Variants in KIF16B observed in about 807,000 individuals in gnomAD.
KIF16B encodes the protein kinesin family member 16B.
A neutral mutation model predicts 156.3 loss-of-function variants in KIF16B; 98 were observed. The observed-to-expected ratio is 0.63, with a 90% confidence interval of 0.53 to 0.74. The LOEUF is 0.74. KIF16B is among the 30% of genes least tolerant of loss of function. The pLI is 0.00. For missense variants in KIF16B, 1,421 were observed against 1,606.5 expected (o/e 0.88, Z 1.97); for synonymous variants, 564 against 583.7 (o/e 0.97, Z 0.49).
chr20:16,490,653 G>A (rs2068262018), intron 12 of KIF16B, among the ~76,000 whole-genome samples: 1 of 151,980 alleles, frequency 6.6e-6, no homozygotes, highest in African/African-American at 2.4e-5. Flanking sequence ...AGACAAGAGA[G>A]GACCATCTGC....
chr20:16,494,306 G>T lies in KIF16B; in HGVS notation c.1287C>A (p.Thr429=). Residue 429 remains threonine, a synonymous_variant, in exon 12 of 26, where the codon ACC becomes ACA. Transcript: ENST00000354981. ...TKEWTNKWNE[T]QNILKEQTLA... ...TAGTCCTTACTTTCAAAATATTTTG[G>T]GTTTCATTCCACTTATTTGTCCATT... 6.2e-7 allele frequency: 1 copy of T among 1,600,058 alleles called. No individual in the cohort carries two copies. The highest frequency in any genetic ancestry group is 8.5e-7 in the Non-Finnish European group (1 of 1,170,686).
At chr20:16,493,471 C>T (rs2068359185) in intron 12 of KIF16B, among the ~76,000 whole-genome samples, 1 of 152,196 alleles carries the variant, frequency 6.6e-6, no homozygotes, top group African/African-American at 2.4e-5. Flanking sequence ...TGCCAAGACT[C>T]ATCTATCTGG....
intron 1 of KIF16B, among the ~76,000 whole-genome samples, chr20:16,534,206 G>A (rs2069866066): frequency 6.6e-6 from 1 of 151,924 alleles, no homozygotes; most frequent in Non-Finnish European, 1.5e-5. Context: ...AGTGAGCTGA[G>A]ATCGCGCCAC....
chr20:16,343,623 C>A (rs996772840), intron 23 of KIF16B, among the ~76,000 whole-genome samples: 2 of 152,276 alleles, frequency 1.3e-5, no homozygotes, highest in African/African-American at 4.8e-5. Context: ...AAAGCTTAGG[C>A]AGTGACATAA....
chr20:16,441,447 C>T (rs762402321), intron 12 of KIF16B, among the ~76,000 whole-genome samples: 1 of 152,150 alleles, frequency 6.6e-6, no homozygotes, highest in Non-Finnish European at 1.5e-5. Context: ...AGTTATCAGG[C>T]CTAATCGCAT....
At chr20:16,527,991 C>T (rs1806482934) in intron 2 of KIF16B, among the ~76,000 whole-genome samples, 1 of 151,756 alleles carries the variant, frequency 6.6e-6, no homozygotes, top group Non-Finnish European at 1.5e-5. Context: ...AAACATGATC[C>T]TCTTCATTAA....
chr20:16,311,117 C>T (rs1322543644), intron 25 of KIF16B, among the ~76,000 whole-genome samples: 1 of 152,238 alleles, frequency 6.6e-6, no homozygotes, highest in African/African-American at 2.4e-5. Context: ...CAGCACTTCA[C>T]AATCCAGAAA....
chr20:16,451,713 A>G (rs1600432674), intron 12 of KIF16B, among the ~76,000 whole-genome samples: 1 of 152,218 alleles, frequency 6.6e-6, no homozygotes, highest in East Asian at 1.9e-4. Flanking sequence ...GTGCTGTCGA[A>G]GATTATATAT....
At chr20:16,279,145 T>A (rs894438275) in intron 25 of KIF16B, among the ~76,000 whole-genome samples, 2 of 152,050 alleles carry the variant, frequency 1.3e-5, no homozygotes, top group African/African-American at 2.4e-5. Flanking sequence ...AGCAGCCCAA[T>A]CCCCTTCTGA....
Position 16,379,889 on chromosome 20 carries a change from C to T in KIF16B, c.2113G>A (p.Val705Ile), listed in dbSNP as rs368648376. 5.0e-5 allele frequency: 80 copies of T among 1,614,188 alleles called. No homozygotes were observed. The highest frequency in any genetic ancestry group is 3.5e-4 in the African/African-American group (26 of 75,052). ...TTGAGTCGTTGGAGTTCTTCTTGGACGCGGAGAAAGGTCTCTTCTTCTTGT... is the reference window on the plus strand; with the variant it reads ...TTGAGTCGTTGGAGTTCTTCTTGGATGCGGAGAAAGGTCTCTTCTTCTTGT... ...KRQEEETFLR[V>I]QEELQRLKEL... The change falls in exon 19 of 26, where the codon GTC becomes ATC. Residue 705 changes from valine to isoleucine, a missense_variant. Physicochemically the swap from Val to Ile is conservative, Grantham distance 29. Coordinates refer to ENST00000354981, the MANE Select transcript of KIF16B (RefSeq NM_024704.5).
chr20:16,384,761 G>A (rs1271420426), intron 17 of KIF16B, among the ~76,000 whole-genome samples: 1 of 152,114 alleles, frequency 6.6e-6, no homozygotes, highest in Non-Finnish European at 1.5e-5. Flanking sequence ...TCTGGGCTCA[G>A]AACCCCATGC....
chr20:16,431,922 A>ACACACACACACACACG (rs2066513182), intron 12 of KIF16B, among the ~76,000 whole-genome samples: 1 of 151,082 alleles, frequency 6.6e-6, no homozygotes, highest in Admixed American at 6.6e-5. Flanking sequence ...ATACACACAC[A>ACACACACACACACACG]CACACACACA....
At chr20:16,369,234 G>A in intron 22 of KIF16B, 1 of 985,806 alleles carries the variant, frequency 1.0e-6, no homozygotes, top group Non-Finnish European at 1.2e-6. Context: ...GCAGAAGCGG[G>A]TCAAGATACC....
intron 17 of KIF16B, among the ~76,000 whole-genome samples, chr20:16,401,070 G>A (rs1055890960): frequency 2.2e-5 from 3 of 137,290 alleles, no homozygotes; most frequent in African/African-American, 8.9e-5. Flanking sequence ...AAGTTGCAGG[G>A]GCCTGGGAAC....
chr20:16,467,857 C>T (rs2067539092), intron 12 of KIF16B, among the ~76,000 whole-genome samples: 1 of 151,924 alleles, frequency 6.6e-6, no homozygotes, highest in South Asian at 2.1e-4. Context: ...CTTAATTGAT[C>T]TAATAGTTAA....
Position 16,273,387 on chromosome 20 carries a change from C to T in KIF16B, c.3820G>A (p.Val1274Met), listed in dbSNP as rs565686380. The T allele has an allele frequency of 2.0e-5, 32 of 1,613,992 alleles. No individual in the cohort carries two copies. The highest frequency in any genetic ancestry group is 1.7e-4 in the Middle Eastern group (1 of 6,060). ...GGAGATGTTGCGGACTGGAGCATCA[C>T]GCTGAAAAAGTCCCTGAGGTATTTC... ...LEKYLRDFFS[V>M]MLQSATSPLH... The change falls in exon 26 of 26, where the codon GTG (valine) becomes ATG (methionine). Residue 1274 changes from valine to methionine, a missense_variant. Val to Met is a conservative substitution (Grantham distance 21). Transcript: ENST00000354981.
intron 25 of KIF16B, among the ~76,000 whole-genome samples, chr20:16,292,746 G>A (rs1037084440): frequency 2.6e-5 from 4 of 152,198 alleles, no homozygotes; most frequent in African/African-American, 4.8e-5. Flanking sequence ...TTTTAAACAC[G>A]TCTTTTAGGC....
chr20:16,366,956 T>G (rs1255777253), intron 22 of KIF16B: 9 of 1,262,046 alleles, frequency 7.1e-6, no homozygotes, highest in Non-Finnish European at 9.0e-6. Context: ...ATTGGGGCTC[T>G]GCTATTAGCT....
intron 23 of KIF16B, among the ~76,000 whole-genome samples, chr20:16,354,673 C>T (rs6080239): frequency 0.081 from 12,357 of 152,212 alleles, 544 homozygotes; most frequent in African/African-American, 0.11. Context: ...AGGCTGGGCG[C>T]GGTGGCTCAT....
Sources: gnomAD v4.1 joint callset for allele counts (sites outside exome capture counted in the v4.1 genomes callset) on GRCh38, gnomAD v4.1.1 for gene constraint, MANE v1.5 for transcripts, NCBI Gene and HGNC (gene_info 2026-07-23, HGNC 2026-07-21) for gene names.